RIF1: variants seen among roughly 807,000 people sequenced by gnomAD.
The protein encoded by RIF1 is replication timing regulatory factor 1.
A neutral mutation model predicts 247.1 loss-of-function variants in RIF1; 45 were observed. The observed-to-expected ratio is 0.18, with a 90% CI of 0.14 to 0.23. The LOEUF (loss-of-function observed/expected upper bound fraction) is 0.23, where lower values mean the gene tolerates loss of function less well. RIF1 is among the 10% of genes least tolerant of loss of function. RIF1 has a pLI of 1.00. For missense variants in RIF1, 2,967 were observed against 2,862.5 expected (o/e 1.04, Z -0.83); for synonymous variants, 1,087 against 978.8 (o/e 1.11, Z -2.06).
rs1414194264 is a variant in RIF1 at position 151,475,763 on chromosome 2, T to C, written c.*692T>C. ...ATAGTATTCATTTTTAAATGCATGA[T>C]TGTACATTATGTATAGACGACAATG... On this transcript the variant is annotated 3_prime_UTR_variant, in exon 36 of 36. Coordinates refer to ENST00000444746, the MANE Select transcript of RIF1 (RefSeq NM_018151.5). 6.5e-6 allele frequency: 1 copy of C among 152,844 alleles called. No individual in the cohort carries two copies. The highest frequency in any genetic ancestry group is 1.5e-5 in the Non-Finnish European group (1 of 68,176). The allele number at this position is 152,844 out of a possible 1,614,324, so 9.5% of individuals were successfully genotyped here. A position where few individuals can be genotyped will look rare whatever the true frequency, so the allele number is the denominator to read the frequency against.
At chr2:151,450,691 C>G (rs1196582125) in intron 20 of RIF1, among the ~76,000 whole-genome samples, 2 of 151,974 alleles carry the variant, frequency 1.3e-5, no homozygotes, top group Non-Finnish European at 2.9e-5. Context: ...TCAAGCAGTT[C>G]TCCTGCCCCA....
chr2:151,499,252 T>A (rs961178723), intron 10 of RIF1: 1 of 1,051,140 alleles, frequency 9.5e-7, no homozygotes, highest in Non-Finnish European at 1.4e-6. Context: ...TTAATCTTTT[T>A]AAACATTTTT....
chr2:151,410,573 T>G (rs1685976874), intron 2 of RIF1, 46 bp downstream of exon 2: 1 of 1,474,234 alleles, frequency 6.8e-7, no homozygotes, highest in South Asian at 1.2e-5. Flanking sequence ...CGCTCTATAG[T>G]GGGGAGAAAG....
the RIF1 span, chr2:151,530,964 G>T: frequency 6.8e-7 from 1 of 1,460,392 alleles, no homozygotes; most frequent in Non-Finnish European, 9.6e-7. Context: ...GCCAAGATGA[G>T]AGGGACTGCT....
chr2:151,527,652 C>T, the RIF1 span: 10 of 1,085,708 alleles, frequency 9.2e-6, no homozygotes, highest in Non-Finnish European at 1.4e-5. Context: ...ACACACATGG[C>T]ACAGAGGGGC....
Position 151,497,422 on chromosome 2 carries a change from A to G in RIF1, c.*514-1923A>G, listed in dbSNP as rs535760499. 6.3e-5 allele frequency: 62 copies of G among 979,086 alleles called. No homozygotes were observed. The South Asian group carries it at 1.4e-3, about 22-fold the overall frequency. 60.6% of individuals were successfully genotyped at this position (979,086 alleles called of 1,614,324 possible). A position where few individuals can be genotyped will look rare whatever the true frequency, so the allele number is the denominator to read the frequency against. ...AAAAAGATTGAAAATACCAGATGAA[A>G]TAAAAAATTGAAATTAACTGTATTA... On this transcript the variant is annotated intron_variant and NMD_transcript_variant, in intron 10 of 13. Coordinates refer to the RIF1 transcript ENST00000454583.
At position 151,463,726 on chromosome 2, in the gene RIF1, T is replaced by C. The variant is rs747795178; in HGVS notation, c.4206T>C (p.Asp1402=). The change falls in exon 30 of 36, where the codon GAT becomes GAC. Residue 1402 remains aspartate, a synonymous_variant. Transcript: ENST00000444746. The part of the protein sequence containing the change: ...VISADQMVNE[D]SQVQITPNQK... ...CAGCAGATCAAATGGTAAATGAGGA[T>C]AGTCAGGTTCAGATAACTCCAAATC... 4 of 1,613,850 alleles carry C rather than the reference T, an allele frequency of 2.5e-6. No individual in the cohort carries two copies. The East Asian group carries it at 8.9e-5, about 36-fold the overall frequency.
chr2:151,436,879 G>C lies in RIF1; in HGVS notation c.1248G>C (p.Ser416=). The part of the protein sequence containing the change: ...APGTPRMNLS[S]NLGGMATIPS... ...GAACTCCCCGAATGAACCTGAGTTC[G>C]AATTTAGGTGGAATGGCCACAATCC... is the stretch of plus-strand genomic sequence containing the variant. The change falls in exon 12 of 36, where the codon TCG becomes TCC. Residue 416 remains serine, a synonymous_variant. Transcript: ENST00000444746. 1.2e-6 allele frequency: 2 copies of C among 1,612,872 alleles called. No individual in the cohort carries two copies. Among genetic ancestry groups the C allele is most frequent in the Non-Finnish European group, 1.7e-6 (2 of 1,179,548 alleles).
At chr2:151,524,249 T>C in the RIF1 span, 1 of 1,377,776 alleles carries the variant, frequency 7.3e-7, no homozygotes, top group African/African-American at 1.4e-5. Context: ...AAATCACTTC[T>C]TCCTGCAAGG....
At chr2:151,530,033 T>C in the RIF1 span, among the ~76,000 whole-genome samples, 1 of 152,318 alleles carries the variant, frequency 6.6e-6, no homozygotes, top group Admixed American at 6.5e-5. Flanking sequence ...ATAGCTATTA[T>C]CATATCGTGT....
intron 26 of RIF1, among the ~76,000 whole-genome samples, 173 bp from the exon 27 acceptor site, chr2:151,460,965 A>G (rs1696063091): frequency 6.6e-6 from 1 of 152,220 alleles, no homozygotes; most frequent in Non-Finnish European, 1.5e-5. Context: ...AGTATTTATT[A>G]GAGGCAGAAA....
chr2:151,473,827 CTTAA>C, intron 34 of RIF1, 133 bp from the exon 35 acceptor site: 1 of 647,864 alleles, frequency 1.5e-6, no homozygotes. Flanking sequence ...AGTATTAGCT[CTTAA>C]TTGTGATGGG....
chr2:151,410,351 G>T, intron 1 of RIF1, 63 bp from the exon 2 acceptor site: 1 of 1,374,720 alleles, frequency 7.3e-7, no homozygotes, highest in East Asian at 2.4e-5. Flanking sequence ...GACTCACACT[G>T]GGCCGCCGCG....
chr2:151,519,677 G>C, the RIF1 span: 2 of 1,609,786 alleles, frequency 1.2e-6, no homozygotes, highest in East Asian at 4.5e-5. Flanking sequence ...AAGATTATTA[G>C]CATCTTTCAT....
chr2:151,460,480 A>C (rs995722475), intron 26 of RIF1, among the ~76,000 whole-genome samples: 3 of 151,092 alleles, frequency 2.0e-5, no homozygotes, highest in East Asian at 2.0e-4. Context: ...TTTAGAACTT[A>C]ATATTTTGAA....
chr2:151,501,186 T>C (rs912687360), intron 11 of RIF1, among the ~76,000 whole-genome samples: 9 of 152,064 alleles, frequency 5.9e-5, no homozygotes, highest in African/African-American at 2.2e-4. Flanking sequence ...AAAGAAAAAG[T>C]TTTAAGGGAC....
the RIF1 span, chr2:151,518,255 T>G: frequency 8.3e-7 from 1 of 1,201,072 alleles, no homozygotes; most frequent in Admixed American, 1.7e-5. Flanking sequence ...CTATGAAATT[T>G]TTTTTCACAT....
At chr2:151,515,012 A>C in the RIF1 span, 47 of 826,666 alleles carry the variant, frequency 5.7e-5, no homozygotes, top group African/African-American at 7.6e-4. Context: ...AAAAAAAAAC[A>C]GCATTTTCTA....
In RIF1 at chr2:151,463,660, T is replaced by G. The variant is rs767027272; in HGVS notation, c.4140T>G (p.Ile1380Met). The G allele has an allele frequency of 6.2e-7, 1 of 1,613,798 alleles. No individual in the cohort carries two copies. Among genetic ancestry groups the G allele is most frequent in the South Asian group, 1.1e-5 (1 of 91,064 alleles). Reference protein sequence around the residue: ...TNTVEEKNVEINLESKENTPP... With the variant: ...TNTVEEKNVEMNLESKENTPP... ...CTGTAGAGGAGAAAAATGTAGAAAT[T>G]AATTTGGAATCCAAAGAGAATACAC... Residue 1380 changes from isoleucine (I) to methionine (M), a missense_variant, in exon 30 of 36, where the codon ATT (isoleucine) becomes ATG (methionine). Ile to Met is a conservative substitution (Grantham distance 10). This residue lies in a region of RIF1 where 2,028 missense variants were observed against 1,825.6 expected (regional missense o/e 1.11). Coordinates refer to ENST00000444746, the MANE Select transcript of RIF1 (RefSeq NM_018151.5).
Sources: allele counts gnomAD v4.1 joint callset (sites outside exome capture counted in the v4.1 genomes callset), GRCh38; gene constraint gnomAD v4.1.1; regional missense constraint gnomAD v4.1.1; transcripts MANE v1.5; gene names NCBI Gene and HGNC (gene_info 2026-07-23, HGNC 2026-07-21).